Variants in SLC24A3 observed in about 807,000 individuals in gnomAD.
SLC24A3 encodes solute carrier family 24 member 3, also known as sodium/potassium/calcium exchanger 3.
In SLC24A3, 28 loss-of-function variants were observed where a neutral mutation model predicts 75.8. The ratio of observed to expected loss-of-function variants is 0.37; its 90% confidence interval spans 0.27 to 0.51. SLC24A3 has a LOEUF of 0.51. Ranked by LOEUF, SLC24A3 falls within the 20% of genes least tolerant of loss-of-function variation. SLC24A3 has a pLI of 0.94. For synonymous variants in SLC24A3, 372 were observed against 334.1 expected (o/e 1.11, Z -1.24); for missense variants, 663 against 847.8 (o/e 0.78, Z 2.71).
rs2122345419 is a variant in SLC24A3 at position 19,363,982 on chromosome 20, G to A, written c.271+82895G>A. On this transcript the variant is annotated intron_variant, in intron 2 of 16. Transcript: ENST00000328041. ...GATGTCAGATGATTGGCTGTCTTTAGGGAGGGCCCAGTCAGATCTTCGGTG... is the reference window on the plus strand; with the variant it reads ...GATGTCAGATGATTGGCTGTCTTTAAGGAGGGCCCAGTCAGATCTTCGGTG... Among the ~76,000 whole-genome samples the A allele has an allele frequency of 1.3e-5, 2 of 152,202 alleles. 1 individual carries two copies. The highest frequency in any genetic ancestry group is 4.2e-4 in the South Asian group (2 of 4,808).
chr20:19,606,298 G>T (rs2031597244), intron 6 of SLC24A3, among the ~76,000 whole-genome samples: 1 of 152,218 alleles, frequency 6.6e-6, no homozygotes, highest in Admixed American at 6.5e-5. Context: ...TATGGGGAAG[G>T]ATGACATATC....
At chr20:19,488,822 T>G (rs1289100683) in intron 2 of SLC24A3, among the ~76,000 whole-genome samples, 1 of 152,194 alleles carries the variant, frequency 6.6e-6, no homozygotes, top group East Asian at 1.9e-4. Context: ...TTTATACAAT[T>G]TCTTAATAAT....
At chr20:19,625,679 C>A (rs2031857800) in intron 6 of SLC24A3, among the ~76,000 whole-genome samples, 1 of 152,122 alleles carries the variant, frequency 6.6e-6, no homozygotes, top group Admixed American at 6.5e-5. Flanking sequence ...CAATCATAAC[C>A]CTAAATCCAA....
In SLC24A3 at chr20:19,444,996, C is replaced by T. The variant is rs184214052; in HGVS notation, c.272-70492C>T. Among the ~76,000 whole-genome samples the T allele has an allele frequency of 1.2e-3, 186 of 152,120 alleles. 2 individuals are homozygous for T. Among genetic ancestry groups the T allele is most frequent in the Non-Finnish European group, 3.1e-4 (21 of 68,002 alleles). On this transcript the variant is annotated intron_variant, in intron 2 of 16. Transcript: ENST00000328041. Reference sequence around the variant, plus strand: ...TAAGCACTATTTTCTGTGTCTCACACGTTTTGATACATTTAACTTTTATTT... The same window carrying T: ...TAAGCACTATTTTCTGTGTCTCACATGTTTTGATACATTTAACTTTTATTT...
At chr20:19,615,112 TTTG>T (rs1446406220) in intron 6 of SLC24A3, among the ~76,000 whole-genome samples, 1 of 152,144 alleles carries the variant, frequency 6.6e-6, no homozygotes, top group Non-Finnish European at 1.5e-5. Context: ...TCCCATTGGT[TTTG>T]TTGTTATTTG....
intron 2 of SLC24A3, among the ~76,000 whole-genome samples, chr20:19,500,915 A>G (rs1397324020): frequency 2.0e-5 from 3 of 152,218 alleles, no homozygotes; most frequent in Non-Finnish European, 4.4e-5. Flanking sequence ...CATTTGCATG[A>G]GGCCTCTGTG....
At chr20:19,506,615 C>G (rs1988466098) in intron 2 of SLC24A3, among the ~76,000 whole-genome samples, 1 of 152,138 alleles carries the variant, frequency 6.6e-6, no homozygotes, top group African/African-American at 2.4e-5. Flanking sequence ...TGCTTCCTAT[C>G]ATATAGAAGC....
chr20:19,463,626 G>A (rs181601190), intron 2 of SLC24A3, among the ~76,000 whole-genome samples: 229 of 150,572 alleles, frequency 1.5e-3, no homozygotes, highest in Non-Finnish European at 2.5e-3. Flanking sequence ...GGGCTAGCCC[G>A]GACTCAAGGG....
chr20:19,688,159 G>A (rs752913183), intron 12 of SLC24A3, among the ~76,000 whole-genome samples: 29 of 152,136 alleles, frequency 1.9e-4, no homozygotes, highest in Non-Finnish European at 8.8e-5. Flanking sequence ...TGAAATGCAC[G>A]TTCTGATTCA....
chr20:19,357,422 A>G (rs1477450950), intron 2 of SLC24A3, among the ~76,000 whole-genome samples: 2 of 152,194 alleles, frequency 1.3e-5, no homozygotes, highest in African/African-American at 2.4e-5. Flanking sequence ...TCACAAGTCT[A>G]TTGGGCATAG....
chr20:19,285,477 CAAAAAAAAA>C lies in SLC24A3; in HGVS notation c.271+4407_271+4415del, dbSNP rs35866612. On this transcript the variant is annotated intron_variant, in intron 2 of 16. Transcript: ENST00000328041. ...TGGGTGACAGAATGAGACCCTGTCT[CAAAAAAAAA>C]AAAAAAAAAAAAAAAAGGCATTTTT... is the stretch of plus-strand genomic sequence containing the variant. Among the ~76,000 whole-genome samples, 371 of 43,046 alleles carry C rather than the reference CAAAAAAAAA, an allele frequency of 8.6e-3. 4 individuals are homozygous for C. Among genetic ancestry groups the C allele is most frequent in the African/African-American group, 0.033 (358 of 10,874 alleles). The allele number at this position is 43,046 out of a possible 152,430, so 28.2% of individuals were successfully genotyped here.
intron 12 of SLC24A3, among the ~76,000 whole-genome samples, chr20:19,687,058 C>G (rs2032684642): frequency 6.6e-6 from 1 of 152,158 alleles, no homozygotes; most frequent in Non-Finnish European, 1.5e-5. Flanking sequence ...TTTTGCAGCT[C>G]AAAACAAGAC....
chr20:19,394,639 G>A (rs1194488272), intron 2 of SLC24A3, among the ~76,000 whole-genome samples: 1 of 152,174 alleles, frequency 6.6e-6, no homozygotes, highest in African/African-American at 2.4e-5. Context: ...CTAGGGAAAT[G>A]CAGATCAAAA....
intron 2 of SLC24A3, among the ~76,000 whole-genome samples, chr20:19,481,539 C>G (rs1253339255): frequency 2.0e-5 from 3 of 152,184 alleles, no homozygotes; most frequent in Admixed American, 1.3e-4. Flanking sequence ...TTCACAATGA[C>G]TCTGACTTCA....
At chr20:19,629,716 A>T (rs940676511) in intron 6 of SLC24A3, among the ~76,000 whole-genome samples, 9 of 152,214 alleles carry the variant, frequency 5.9e-5, no homozygotes, top group African/African-American at 2.2e-4. Context: ...TTCTCAGAAG[A>T]AGCCTTGCGG....
chr20:19,587,619 G>A (rs550434096), intron 6 of SLC24A3, among the ~76,000 whole-genome samples: 29 of 152,344 alleles, frequency 1.9e-4, no homozygotes, highest in South Asian at 8.3e-4. Flanking sequence ...GATCCTTCAA[G>A]TCTTTGCAGA....
chr20:19,610,078 T>C (rs2122662368), intron 6 of SLC24A3, among the ~76,000 whole-genome samples: 2 of 152,368 alleles, frequency 1.3e-5, no homozygotes, highest in Non-Finnish European at 2.9e-5. Context: ...CCAATTCCAG[T>C]GAAATAAAGC....
At chr20:19,459,398 T>C (rs1374617905) in intron 2 of SLC24A3, among the ~76,000 whole-genome samples, 1 of 152,156 alleles carries the variant, frequency 6.6e-6, no homozygotes, top group Non-Finnish European at 1.5e-5. Flanking sequence ...CCGTGGTCTC[T>C]TGACCTCCCT....
At chr20:19,262,388 G>C (rs1163614987) in intron 1 of SLC24A3, among the ~76,000 whole-genome samples, 22 of 124,654 alleles carry the variant, frequency 1.8e-4, no homozygotes, top group Non-Finnish European at 3.3e-4. Context: ...CTGGGCGACA[G>C]AGCGAGACTC....
Sources: gnomAD v4.1 joint callset for allele counts (sites outside exome capture counted in the v4.1 genomes callset) on GRCh38, gnomAD v4.1.1 for gene constraint, MANE v1.5 for transcripts, NCBI Gene and HGNC (gene_info 2026-07-23, HGNC 2026-07-21) for gene names.